The following ATXN7L2 variants were observed in gnomAD, a reference collection of about 807,000 sequenced individuals.
ATXN7L2 encodes the protein ataxin 7 like 2.
In ATXN7L2, 17 loss-of-function variants were observed where a neutral mutation model predicts 59.6. The observed-to-expected ratio is 0.29, with a 90% CI of 0.20 to 0.43. The LOEUF is 0.43. Ranked by LOEUF, ATXN7L2 falls within the 20% of genes least tolerant of loss-of-function variation. The probability of loss-of-function intolerance (pLI) is 1.00; values close to 1 mark genes in which losing one functional copy is unlikely to be tolerated. For synonymous variants in ATXN7L2, 378 were observed against 392.5 expected (o/e 0.96, Z 0.44); for missense variants, 858 against 1,008.9 (o/e 0.85, Z 2.03).
At position 109,487,792 on chromosome 1, in the gene ATXN7L2, C is replaced by A. The variant is rs761030840; in HGVS notation, c.784C>A (p.Arg262=). Residue 262 remains arginine, a synonymous_variant, in exon 5 of 11, where the codon CGG becomes AGG. Transcript: ENST00000683729. ...SGTRLPPKTH[R]KMARKECDLN... ...GACCAGGCTGCCCCCTAAAACCCACCGGAAGATGGCTCGTGAGTAGTTGTG... is the reference window on the plus strand; with the variant it reads ...GACCAGGCTGCCCCCTAAAACCCACAGGAAGATGGCTCGTGAGTAGTTGTG... The A allele has an allele frequency of 2.1e-5, 34 of 1,595,264 alleles. No homozygotes were observed. The highest frequency in any genetic ancestry group is 2.6e-5 in the Non-Finnish European group (31 of 1,172,204).
In ATXN7L2 at chr1:109,486,531, T is replaced by C; in HGVS notation, c.219T>C (p.Pro73=). The C allele has an allele frequency of 6.2e-7, 1 of 1,614,008 alleles. No individual in the cohort carries two copies. Among genetic ancestry groups the C allele is most frequent in the Non-Finnish European group, 8.5e-7 (1 of 1,179,884 alleles). The change falls in exon 3 of 11, where the codon CCT becomes CCC. Residue 73 remains proline, a synonymous_variant. Coordinates refer to ENST00000683729, the MANE Select transcript of ATXN7L2 (RefSeq NM_001350175.2). The surrounding 1 kb of genome is among the most constrained non-coding windows in gnomAD (Gnocchi z 4.3). ...KEDMSIFGHC[P]AHDDFYLVVC... is the part of the protein sequence containing the mutation. ...ACATGTCCATCTTCGGGCACTGCCC[T>C]GCCCATGATGACTTCTACTTGGTTG...
In ATXN7L2 at chr1:109,483,906, G is replaced by A. The variant is rs1189553629; in HGVS notation, c.-48G>A. The A allele has an allele frequency of 2.6e-6, 3 of 1,156,834 alleles. No individual in the cohort carries two copies. Among genetic ancestry groups the A allele is most frequent in the Non-Finnish European group, 1.1e-6 (1 of 939,708 alleles). The allele number at this position is 1,156,834 out of a possible 1,614,324, so 71.7% of individuals were successfully genotyped here. On this transcript the variant is annotated 5_prime_UTR_variant, in exon 1 of 11. Coordinates refer to ENST00000683729, the MANE Select transcript of ATXN7L2 (RefSeq NM_001350175.2). ...GTGCCCGCGACGGGGCGAGGGGGAG[G>A]GGGCCGCGCGGCGGCGGCGCCAGGG...
rs765969369 is a variant in ATXN7L2 at position 109,487,057 on chromosome 1, C to T, written c.349C>T (p.Pro117Ser). 6 of 1,612,702 alleles carry T rather than the reference C, an allele frequency of 3.7e-6. No individual in the cohort carries two copies. Among genetic ancestry groups the T allele is most frequent in the African/African-American group, 1.3e-5 (1 of 74,974 alleles). ...GCTTTATGGCCGGGCCCCACCCCCA[C>T]CTCCAGCCCCTGCCAGCTCTCAGAA... is the stretch of plus-strand genomic sequence containing the variant. ...SKLYGRAPPPPPAPASSQKCH... is the reference protein window; with the variant it reads ...SKLYGRAPPPSPAPASSQKCH... The change falls in exon 4 of 11, where the codon CCT (proline) becomes TCT (serine). Residue 117 changes from proline (P) to serine (S), a missense_variant. By Grantham distance (74) the Pro-to-Ser change is moderately conservative (BLOSUM62 -1). Coordinates refer to ENST00000683729, the MANE Select transcript of ATXN7L2 (RefSeq NM_001350175.2).
chr1:109,488,380 C>T lies in ATXN7L2; in HGVS notation c.797-3C>T. 6.3e-7 allele frequency: 1 copy of T among 1,596,478 alleles called. No individual in the cohort carries two copies. The highest frequency in any genetic ancestry group is 1.1e-5 in the South Asian group (1 of 88,520). The stretch of plus-strand genomic sequence containing the variant: ...AGGTTCATTGGAAGTGCTTTCCCCA[C>T]AGGGAAGGAGTGCGACCTCAACAGG... On this transcript the variant is annotated splice_polypyrimidine_tract_variant and splice_region_variant and intron_variant, in intron 5 of 10. Coordinates refer to ENST00000683729, the MANE Select transcript of ATXN7L2 (RefSeq NM_001350175.2). This position sits in a 1 kb window ranked among gnomAD's most constrained non-coding sequence, Gnocchi z 5.0.
At position 109,491,812 on chromosome 1, in the gene ATXN7L2, G is replaced by T; in HGVS notation, c.2250+95G>T. 1 of 1,379,950 alleles carries T rather than the reference G, an allele frequency of 7.2e-7. No homozygotes were observed. The allele number at this position is 1,379,950 out of a possible 1,614,324, so 85.5% of individuals were successfully genotyped here. A position where few individuals can be genotyped will look rare whatever the true frequency, so the allele number is the denominator to read the frequency against. ...CTACATTGGTGTTTGTGCAGGGAAA[G>T]GGAGGAAGGGGAAGTTGAGAGAGTT... On this transcript the variant is annotated intron_variant, in intron 10 of 10. Coordinates refer to ENST00000683729, the MANE Select transcript of ATXN7L2 (RefSeq NM_001350175.2). This position sits in a 1 kb window ranked among gnomAD's most constrained non-coding sequence, Gnocchi z 4.1.
In ATXN7L2 at chr1:109,486,939, T is replaced by A; in HGVS notation, c.299-68T>A. Reference sequence around the variant, plus strand: ...ATTCTCTCATGTGAGTCTATGGACATGGTTAGGTTGGGGAAGGAAGTGGTG... The same window carrying A: ...ATTCTCTCATGTGAGTCTATGGACAAGGTTAGGTTGGGGAAGGAAGTGGTG... On this transcript the variant is annotated intron_variant, in intron 3 of 10. Coordinates refer to ENST00000683729, the MANE Select transcript of ATXN7L2 (RefSeq NM_001350175.2). This position sits in a 1 kb window ranked among gnomAD's most constrained non-coding sequence, Gnocchi z 4.3. 2 of 1,345,978 alleles carry A rather than the reference T, an allele frequency of 1.5e-6. No homozygotes were observed. 83.4% of individuals were successfully genotyped at this position (1,345,978 alleles called of 1,614,324 possible).
In ATXN7L2 at chr1:109,487,004, C is replaced by T. The variant is rs369195330; in HGVS notation, c.299-3C>T. 2.6e-5 allele frequency: 41 copies of T among 1,577,246 alleles called. No individual in the cohort carries two copies. The highest frequency in any genetic ancestry group is 3.4e-5 in the Non-Finnish European group (40 of 1,162,894). Reference sequence around the variant, plus strand: ...GATTATTCTTTCCACCTCCTGGTGACAGAAAGAAGACATGGGCCCCTCAGC... The same window carrying T: ...GATTATTCTTTCCACCTCCTGGTGATAGAAAGAAGACATGGGCCCCTCAGC... On this transcript the variant is annotated splice_region_variant and splice_polypyrimidine_tract_variant and intron_variant, in intron 3 of 10. Coordinates refer to ENST00000683729, the MANE Select transcript of ATXN7L2 (RefSeq NM_001350175.2).
rs1656615826 is a variant in ATXN7L2 at position 109,486,834 on chromosome 1, G to T, written c.299-173G>T. Among the ~76,000 whole-genome samples the T allele has an allele frequency of 6.6e-6, 1 of 152,178 alleles. No homozygotes were observed. Among genetic ancestry groups the T allele is most frequent in the South Asian group, 2.1e-4 (1 of 4,826 alleles). On this transcript the variant is annotated intron_variant, in intron 3 of 10. Coordinates refer to ENST00000683729, the MANE Select transcript of ATXN7L2 (RefSeq NM_001350175.2). This position sits in a 1 kb window ranked among gnomAD's most constrained non-coding sequence, Gnocchi z 4.3. ...GAGGAGTTAAGACATTCAGGAAGCT[G>T]GGTCTTGAATTTTGAGTCCTAAAGG... is the stretch of plus-strand genomic sequence containing the variant.
In ATXN7L2 at chr1:109,491,412, A is replaced by G. The variant is rs368620349; in HGVS notation, c.1945A>G (p.Met649Val). The change falls in exon 10 of 11, where the codon ATG becomes GTG. Residue 649 changes from methionine (M) to valine (V), a missense_variant. Met to Val is a conservative substitution (Grantham distance 21). Transcript: ENST00000683729. The surrounding 1 kb of genome is among the most constrained non-coding windows in gnomAD (Gnocchi z 4.1). The part of the protein sequence containing the change: ...TALSMGLNGT[M>V]GPRVKRAGPL... Reference sequence around the variant, plus strand: ...CCTGAGCATGGGGCTTAATGGGACAATGGGGCCAAGAGTGAAGCGGGCAGG... The same window carrying G: ...CCTGAGCATGGGGCTTAATGGGACAGTGGGGCCAAGAGTGAAGCGGGCAGG... The G allele has an allele frequency of 3.3e-5, 53 of 1,614,076 alleles. No individual in the cohort carries two copies. Among genetic ancestry groups the G allele is most frequent in the Non-Finnish European group, 3.9e-5 (46 of 1,180,046 alleles).
At position 109,489,931 on chromosome 1, in the gene ATXN7L2, T is replaced by C. The variant is rs763526138; in HGVS notation, c.1135T>C (p.Ser379Pro). 6.2e-7 allele frequency: 1 copy of C among 1,613,134 alleles called. No homozygotes were observed. Among genetic ancestry groups the C allele is most frequent in the African/African-American group, 1.3e-5 (1 of 74,866 alleles). Reference sequence around the variant, plus strand: ...TGGCATCCCTTTTGGCCCTTCCAGGTCCCGGGCCTCCTCCGAGAGTGAATT... The same window carrying C: ...TGGCATCCCTTTTGGCCCTTCCAGGCCCCGGGCCTCCTCCGAGAGTGAATT... ...QTYPYCALPRSRASSESELDD... is the reference protein window; with the variant it reads ...QTYPYCALPRPRASSESELDD... The change falls in exon 8 of 11, where the codon TCC becomes CCC. Residue 379 changes from serine to proline, a missense_variant and splice_region_variant. By Grantham distance (74) the Ser-to-Pro change is moderately conservative. Transcript: ENST00000683729.
At chr1:109,489,611 G>T in intron 7 of ATXN7L2, 1 of 434,548 alleles carries the variant, frequency 2.3e-6, no homozygotes, top group Non-Finnish European at 4.1e-6. Flanking sequence ...CGAGTTGACT[G>T]GGCTGACCAG....
chr1:109,483,976 C>T lies in ATXN7L2; in HGVS notation c.23C>T (p.Ala8Val), dbSNP rs752727370. MAVRERA[A>V]AAMAALERRV... ...GTGATGGCGGTGCGTGAACGCGCGG[C>T]GGCAGCAATGGCCGCTCTGGAGCGG... The change falls in exon 1 of 11, where the codon GCG becomes GTG. Residue 8 changes from alanine (A) to valine (V), a missense_variant. Physicochemically the swap from Ala to Val is moderately conservative, Grantham distance 64. This residue lies in a region of ATXN7L2 where 95 missense variants were observed against 82.6 expected (regional missense o/e 1.15). Coordinates refer to ENST00000683729, the MANE Select transcript of ATXN7L2 (RefSeq NM_001350175.2). 7 of 1,355,892 alleles carry T rather than the reference C, an allele frequency of 5.2e-6. No individual in the cohort carries two copies. In the South Asian group the frequency reaches 1.2e-4, roughly 24 times the overall value. The allele number at this position is 1,355,892 out of a possible 1,614,324, so 84.0% of individuals were successfully genotyped here.
In ATXN7L2 at chr1:109,486,398, C is replaced by G. The variant is rs1176005490; in HGVS notation, c.194-108C>G. On this transcript the variant is annotated intron_variant, in intron 2 of 10. Transcript: ENST00000683729. This position sits in a 1 kb window ranked among gnomAD's most constrained non-coding sequence, Gnocchi z 4.3. The stretch of plus-strand genomic sequence containing the variant: ...GCATTCAGCATGGAGCTTGTTATAT[C>G]AGCGGGGAGGTGAAGTGCCTTCTGA... The G allele has an allele frequency of 9.9e-7, 1 of 1,012,622 alleles. No individual in the cohort carries two copies. Among genetic ancestry groups the G allele is most frequent in the East Asian group, 2.6e-5 (1 of 38,768 alleles). The allele number at this position is 1,012,622 out of a possible 1,614,324, so 62.7% of individuals were successfully genotyped here.
In ATXN7L2 at chr1:109,484,252, C is replaced by T. The variant is rs1374608152; in HGVS notation, c.127+172C>T. On this transcript the variant is annotated intron_variant, in intron 1 of 10. Coordinates refer to ENST00000683729, the MANE Select transcript of ATXN7L2 (RefSeq NM_001350175.2). ...CCCGCCCGCTCCGTCACCTTCGCGCCTCCGGGTCCTAGCGCCTGCTCACCG... is the reference window on the plus strand; with the variant it reads ...CCCGCCCGCTCCGTCACCTTCGCGCTTCCGGGTCCTAGCGCCTGCTCACCG... Among the ~76,000 whole-genome samples the T allele has an allele frequency of 3.3e-5, 5 of 152,198 alleles. No individual in the cohort carries two copies. The East Asian group carries it at 9.7e-4, about 30-fold the overall frequency.
rs904095954 is a variant in ATXN7L2 at position 109,492,657 on chromosome 1, C to T, written c.*57C>T. On this transcript the variant is annotated 3_prime_UTR_variant, in exon 11 of 11. Coordinates refer to ENST00000683729, the MANE Select transcript of ATXN7L2 (RefSeq NM_001350175.2). Reference sequence around the variant, plus strand: ...GCCAGCACCTCCTCCCCTCCAGATCCGGGCCCCAGGCTGCTGCCGCTTTTT... The same window carrying T: ...GCCAGCACCTCCTCCCCTCCAGATCTGGGCCCCAGGCTGCTGCCGCTTTTT... 38 of 1,602,684 alleles carry T rather than the reference C, an allele frequency of 2.4e-5. No individual in the cohort carries two copies. Among genetic ancestry groups the T allele is most frequent in the Admixed American group, 1.0e-4 (6 of 58,392 alleles).
Position 109,492,658 on chromosome 1 carries a change from G to T in ATXN7L2, c.*58G>T. ...CCAGCACCTCCTCCCCTCCAGATCC[G>T]GGCCCCAGGCTGCTGCCGCTTTTTA... On this transcript the variant is annotated 3_prime_UTR_variant, in exon 11 of 11. Coordinates refer to ENST00000683729, the MANE Select transcript of ATXN7L2 (RefSeq NM_001350175.2). 6.2e-7 allele frequency: 1 copy of T among 1,600,782 alleles called. No homozygotes were observed. The highest frequency in any genetic ancestry group is 8.5e-7 in the Non-Finnish European group (1 of 1,173,552).
At chr1:109,485,860 G>T (rs1009431065) in intron 1 of ATXN7L2, 197 bp from the exon 2 acceptor site, 8 of 1,232,530 alleles carry the variant, frequency 6.5e-6, no homozygotes, top group Admixed American at 4.1e-5. Context: ...CCACTGAAAG[G>T]TTCCCCAAGT....
chr1:109,485,746 C>G, intron 1 of ATXN7L2: 1 of 1,063,134 alleles, frequency 9.4e-7, no homozygotes, highest in Non-Finnish European at 1.1e-6. Flanking sequence ...TAAACTGCAC[C>G]TTGAAGTGAA....
At position 109,491,189 on chromosome 1, in the gene ATXN7L2, C is replaced by T. The variant is rs760613255; in HGVS notation, c.1722C>T (p.Ser574=). 19 of 1,613,910 alleles carry T rather than the reference C, an allele frequency of 1.2e-5. No individual in the cohort carries two copies. The East Asian group carries it at 3.3e-4, about 28-fold the overall frequency. Reference sequence around the variant, plus strand: ...CACCACTGCCTGCCAACACGCCATCCCCGTCCTTCAGCAAGCTGCCGCCTT... The same window carrying T: ...CACCACTGCCTGCCAACACGCCATCTCCGTCCTTCAGCAAGCTGCCGCCTT... ...ITSPLPANTP[S]PSFSKLPPSK... is the part of the protein sequence containing the mutation. The change falls in exon 10 of 11, where the codon TCC becomes TCT. Residue 574 remains serine, a synonymous_variant. Coordinates refer to ENST00000683729, the MANE Select transcript of ATXN7L2 (RefSeq NM_001350175.2). The surrounding 1 kb of genome is among the most constrained non-coding windows in gnomAD (Gnocchi z 4.1).
Sources: gnomAD v4.1 joint callset for allele counts (sites outside exome capture counted in the v4.1 genomes callset) on GRCh38, gnomAD v4.1.1 for gene constraint, gnomAD v4.1.1 regional missense constraint, Gnocchi (gnomAD v3.1) non-coding constraint, MANE v1.5 for transcripts, NCBI Gene and HGNC (gene_info 2026-07-23, HGNC 2026-07-21) for gene names.